ANKS1B: variants seen among roughly 807,000 people sequenced by gnomAD.
ANKS1B encodes the protein ankyrin repeat and sterile alpha motif domain containing 1B, also known as ankyrin repeat and sterile alpha motif domain-containing protein 1B.
A neutral mutation model predicts 148.3 loss-of-function variants in ANKS1B; 36 were observed. That is an observed-to-expected ratio of 0.24 (90% confidence interval 0.19 to 0.32). The LOEUF is 0.32. Ranked by LOEUF, ANKS1B falls within the 10% of genes least tolerant of loss-of-function variation. ANKS1B has a pLI of 1.00. For missense variants in ANKS1B, 1,157 were observed against 1,542.6 expected (o/e 0.75, Z 4.19); for synonymous variants, 542 against 560.8 (o/e 0.97, Z 0.47).
At chr12:98,891,960 A>C (rs1470084516) in intron 17 of ANKS1B, among the ~76,000 whole-genome samples, 2 of 152,242 alleles carry the variant, frequency 1.3e-5, no homozygotes, top group Non-Finnish European at 2.9e-5. Context: ...TTACTGCTAT[A>C]AAATCCAAAA....
intron 9 of ANKS1B, among the ~76,000 whole-genome samples, chr12:99,654,255 G>A (rs529782185): frequency 1.1e-4 from 16 of 152,198 alleles, no homozygotes; most frequent in African/African-American, 2.9e-4. Context: ...TAATTGTTTC[G>A]TATTTGTCGT....
intron 1 of ANKS1B, among the ~76,000 whole-genome samples, chr12:99,868,191 T>C (rs2091007716): frequency 2.0e-5 from 3 of 152,188 alleles, no homozygotes; most frequent in Non-Finnish European, 4.4e-5. Context: ...AGGATAGTGG[T>C]TGTCCTTTGG....
chr12:99,855,529 A>C (rs2088872504), intron 1 of ANKS1B, among the ~76,000 whole-genome samples: 3 of 152,130 alleles, frequency 2.0e-5, no homozygotes, highest in African/African-American at 7.2e-5. Context: ...ACAAATAAAC[A>C]ATGGCCTTAA....
At chr12:99,930,695 A>C (rs144149925) in intron 1 of ANKS1B, among the ~76,000 whole-genome samples, 1,680 of 152,278 alleles carry the variant, frequency 0.011, 38 homozygotes, top group African/African-American at 0.038. Context: ...AGGAAACAAC[A>C]GGTGCCGGAA....
intron 4 of ANKS1B, among the ~76,000 whole-genome samples, chr12:99,799,870 A>G (rs79983972): frequency 0.012 from 1,815 of 152,204 alleles, 42 homozygotes; most frequent in African/African-American, 0.042. Flanking sequence ...CTTTAGAGAG[A>G]CAGTGAAACT....
At chr12:99,931,861 T>C (rs1478929708) in intron 1 of ANKS1B, among the ~76,000 whole-genome samples, 3 of 152,160 alleles carry the variant, frequency 2.0e-5, no homozygotes, top group Non-Finnish European at 4.4e-5. Context: ...TATCAAATGC[T>C]AGGTCTTATT....
intron 1 of ANKS1B, among the ~76,000 whole-genome samples, chr12:99,891,255 G>A (rs12310410): frequency 0.052 from 7,981 of 152,150 alleles, 652 homozygotes; most frequent in African/African-American, 0.18. Context: ...AAGGTTCCAC[G>A]TTCTCCATAT....
intron 9 of ANKS1B, among the ~76,000 whole-genome samples, chr12:99,547,604 T>C (rs2097182901): frequency 6.6e-6 from 1 of 152,130 alleles, no homozygotes. Context: ...GGATAATGGG[T>C]GATCCTGAAA....
intron 17 of ANKS1B, among the ~76,000 whole-genome samples, chr12:98,995,899 C>G (rs1353958933): frequency 6.6e-6 from 1 of 152,136 alleles, no homozygotes; most frequent in East Asian, 1.9e-4. Flanking sequence ...GTACTCTGCA[C>G]AGGGAGCGAG....
chr12:99,923,575 G>A (rs1300398066), intron 1 of ANKS1B, among the ~76,000 whole-genome samples: 1 of 152,132 alleles, frequency 6.6e-6, no homozygotes, highest in East Asian at 1.9e-4. Flanking sequence ...TAAGGAAATA[G>A]CATTAGTGAT....
At chr12:99,012,969 C>T (rs1006334004) in intron 17 of ANKS1B, among the ~76,000 whole-genome samples, 11 of 152,130 alleles carry the variant, frequency 7.2e-5, no homozygotes, top group African/African-American at 1.9e-4. Flanking sequence ...TTTGTTTAGA[C>T]GGACTTAAAG....
chr12:99,116,059 T>C (rs2061345422), intron 15 of ANKS1B, among the ~76,000 whole-genome samples: 1 of 151,868 alleles, frequency 6.6e-6, no homozygotes. Flanking sequence ...AATTTCCTCA[T>C]CATTAAACTG....
At chr12:99,462,328 G>T (rs1185615329) in intron 10 of ANKS1B, among the ~76,000 whole-genome samples, 1 of 152,124 alleles carries the variant, frequency 6.6e-6, no homozygotes, top group Non-Finnish European at 1.5e-5. Context: ...GTGTATAATA[G>T]TCCTGTCCTA....
intron 17 of ANKS1B, among the ~76,000 whole-genome samples, chr12:98,961,953 C>G (rs1002205109): frequency 6.6e-6 from 1 of 150,572 alleles, no homozygotes; most frequent in Non-Finnish European, 1.5e-5. Context: ...TAAAACATAC[C>G]ACCAGAGAAA....
intron 9 of ANKS1B, among the ~76,000 whole-genome samples, chr12:99,607,757 G>A (rs1418977944): frequency 6.6e-6 from 1 of 152,054 alleles, no homozygotes; most frequent in African/African-American, 2.4e-5. Context: ...TCATCTCCCT[G>A]AATTTTGTAT....
At chr12:99,648,295 A>G in intron 9 of ANKS1B, 1 of 1,614,214 alleles carries the variant, frequency 6.2e-7, no homozygotes, top group Middle Eastern at 1.6e-4. Context: ...TACTATATTC[A>G]GGTATGCACC....
intron 12 of ANKS1B, among the ~76,000 whole-genome samples, chr12:99,328,266 C>A (rs991665823): frequency 2.0e-5 from 3 of 151,952 alleles, no homozygotes; most frequent in African/African-American, 7.2e-5. Flanking sequence ...AGGAGATGAA[C>A]TTGACAGTCT....
At chr12:98,913,656 C>T (rs146850210) in intron 17 of ANKS1B, among the ~76,000 whole-genome samples, 12,893 of 152,166 alleles carry the variant, frequency 0.085, 982 homozygotes, top group East Asian at 0.36. Flanking sequence ...GAGATGGAGT[C>T]TTGCTCTGTT....
At chr12:99,430,306 T>C (rs2095347330) in intron 11 of ANKS1B, among the ~76,000 whole-genome samples, 1 of 151,884 alleles carries the variant, frequency 6.6e-6, no homozygotes, top group Non-Finnish European at 1.5e-5. Context: ...CTTAGAAAGA[T>C]AGGAAACAGA....
Sources: gnomAD v4.1 joint callset for allele counts (sites outside exome capture counted in the v4.1 genomes callset) on GRCh38, gnomAD v4.1.1 for gene constraint, MANE v1.5 for transcripts, NCBI Gene and HGNC (gene_info 2026-07-23, HGNC 2026-07-21) for gene names.